The following UHRF1 variants were observed in gnomAD, a reference collection of about 807,000 sequenced individuals.
The protein encoded by UHRF1 is ubiquitin like with PHD and ring finger domains 1.
A neutral mutation model predicts 96.5 loss-of-function variants in UHRF1; 9 were observed. The ratio of observed to expected loss-of-function variants is 0.09; its 90% confidence interval spans 0.06 to 0.16. The LOEUF is 0.16. UHRF1 is among the 10% of genes least tolerant of loss of function. The pLI, the probability that UHRF1 is intolerant of heterozygous loss-of-function variation, is 1.00. For synonymous variants in UHRF1, 455 were observed against 469.9 expected (o/e 0.97, Z 0.41); for missense variants, 626 against 1,131.1 (o/e 0.55, Z 6.40).
chr19:4,910,805 C>G, intron 1 of UHRF1, 71 bp from the exon 2 acceptor site: 1 of 1,476,532 alleles, frequency 6.8e-7, no homozygotes, highest in Admixed American at 2.2e-5. Flanking sequence ...GCAACCCCGA[C>G]TCCTTAGAGC....
intron 5 of UHRF1, among the ~76,000 whole-genome samples, chr19:4,935,092 C>T (rs201860019): frequency 1.3e-5 from 2 of 151,982 alleles, no homozygotes. Flanking sequence ...TCCTGCCTCA[C>T]CCTCCTGAGT....
At position 4,954,508 on chromosome 19, in the gene UHRF1, G is replaced by A; in HGVS notation, c.1957+20G>A. ...CGGCAGGTGAGAATCTCGTGGGTGT[G>A]GGGTGAGCGTCTTGTGTGTGGGGGA... On this transcript the variant is annotated intron_variant, in intron 14 of 16. Coordinates refer to ENST00000650932, the MANE Select transcript of UHRF1 (RefSeq NM_001048201.3). This position sits in a 1 kb window ranked among gnomAD's most constrained non-coding sequence, Gnocchi z 5.9. 1 of 1,600,654 alleles carries A rather than the reference G, an allele frequency of 6.2e-7. No individual in the cohort carries two copies. The highest frequency in any genetic ancestry group is 8.5e-7 in the Non-Finnish European group (1 of 1,171,088).
At chr19:4,932,205 G>A (rs1268774117) in intron 4 of UHRF1, among the ~76,000 whole-genome samples, 3 of 152,234 alleles carry the variant, frequency 2.0e-5, no homozygotes, top group African/African-American at 4.8e-5. Context: ...TTACAGGCAT[G>A]AGCCACCGTG....
chr19:4,936,077 C>G (rs551661617), intron 5 of UHRF1, among the ~76,000 whole-genome samples: 1 of 152,164 alleles, frequency 6.6e-6, no homozygotes, highest in Non-Finnish European at 1.5e-5. Context: ...TTCATTCATG[C>G]TTGTGTCCCG....
upstream of UHRF1, chr19:4,909,195 C>T (rs1466537333): frequency 4.5e-6 from 2 of 444,786 alleles, no homozygotes; most frequent in Non-Finnish European, 8.0e-6. Context: ...CGGACTTGGA[C>T]TTAAGAGTTC....
intron 2 of UHRF1, among the ~76,000 whole-genome samples, chr19:4,922,667 G>A (rs745780566): frequency 6.6e-6 from 1 of 152,202 alleles, no homozygotes; most frequent in Non-Finnish European, 1.5e-5. Flanking sequence ...TCGCGCTTCG[G>A]GTTGTGCAAG....
intron 5 of UHRF1, among the ~76,000 whole-genome samples, chr19:4,941,296 G>A (rs1217729460): frequency 6.6e-6 from 1 of 151,732 alleles, no homozygotes; most frequent in African/African-American, 2.4e-5. Flanking sequence ...TCACCATGTT[G>A]GCCAGGCTGG....
At chr19:4,953,306 A>G (rs1353505598) in intron 13 of UHRF1, among the ~76,000 whole-genome samples, 1 of 152,182 alleles carries the variant, frequency 6.6e-6, no homozygotes, top group Non-Finnish European at 1.5e-5. Context: ...AGAGAGTACC[A>G]AACCGTTGAT....
intron 3 of UHRF1, among the ~76,000 whole-genome samples, chr19:4,929,938 T>G (rs1456118467): frequency 6.6e-6 from 1 of 152,126 alleles, no homozygotes; most frequent in East Asian, 1.9e-4. Context: ...GTAGCTGATG[T>G]TATAGGCATG....
At chr19:4,936,829 A>G (rs2033230388) in intron 5 of UHRF1, among the ~76,000 whole-genome samples, 2 of 152,020 alleles carry the variant, frequency 1.3e-5, no homozygotes, top group African/African-American at 2.4e-5. Flanking sequence ...GTGAAAAGAA[A>G]AAAAAACAGG....
intron 1 of UHRF1, chr19:4,910,179 G>A (rs2146274954): frequency 6.6e-6 from 1 of 152,006 alleles, no homozygotes; most frequent in South Asian, 2.1e-4. Flanking sequence ...GGGCCAGTGG[G>A]AGTGCGGGAG....
chr19:4,915,383 G>C (rs992293411), intron 2 of UHRF1, among the ~76,000 whole-genome samples: 1 of 152,206 alleles, frequency 6.6e-6, no homozygotes, highest in Non-Finnish European at 1.5e-5. Context: ...TCTGTAAACC[G>C]GTGGGCGTGG....
chr19:4,908,269 C>T (rs73919353), upstream of UHRF1, among the ~76,000 whole-genome samples: 7,565 of 152,160 alleles, frequency 0.05, 222 homozygotes, highest in Non-Finnish European at 0.061. Flanking sequence ...TCTTCGGGGG[C>T]CATGATCTGT....
At chr19:4,908,945 G>A (rs1016478918), upstream of UHRF1, among the ~76,000 whole-genome samples, 1 of 152,060 alleles carries the variant, frequency 6.6e-6, no homozygotes, top group African/African-American at 2.4e-5. Flanking sequence ...TGCCCGCCTG[G>A]ACAGCCTGGA....
chr19:4,929,082 G>T, intron 2 of UHRF1, 140 bp from the exon 3 acceptor site: 1 of 1,233,118 alleles, frequency 8.1e-7, no homozygotes, highest in Non-Finnish European at 1.1e-6. Flanking sequence ...CATGGCCCAG[G>T]TATCATGGCT....
rs375976258 is a variant in UHRF1, at chr19:4,960,154, G to C, written c.2236-503G>C. ...AGGCATGAGCCACGATGCTTGGCCT[G>C]ATGTGTGTGTTTATTAAGCATCTAC... On this transcript the variant is annotated intron_variant, in intron 16 of 16. Coordinates refer to ENST00000650932, the MANE Select transcript of UHRF1 (RefSeq NM_001048201.3). Among the ~76,000 whole-genome samples the C allele has an allele frequency of 1.1e-3, 160 of 152,322 alleles. 3 individuals are homozygous for C. The South Asian group carries it at 0.03, about 29-fold the overall frequency.
At chr19:4,924,160 A>G (rs143974029) in intron 2 of UHRF1, among the ~76,000 whole-genome samples, 1 of 151,154 alleles carries the variant, frequency 6.6e-6, no homozygotes, top group Non-Finnish European at 1.5e-5. Flanking sequence ...TAATTTTTTT[A>G]TTTTTTTGAG....
chr19:4,930,787 G>C lies in UHRF1; in HGVS notation c.480G>C (p.Thr160=). Residue 160 remains threonine, a synonymous_variant, in exon 4 of 17, where the codon ACG becomes ACC. Transcript: ENST00000650932. The surrounding 1 kb of genome is among the most constrained non-coding windows in gnomAD (Gnocchi z 4.4). ...TTGAGGCGCAGGTGGTCAGGGTGAC[G>C]CGGAAGGCCCCCTCCCGGGACGAGC... ...AWFEAQVVRV[T]RKAPSRDEPC... 2 of 1,613,978 alleles carry C rather than the reference G, an allele frequency of 1.2e-6. No individual in the cohort carries two copies. Among genetic ancestry groups the C allele is most frequent in the Non-Finnish European group, 1.7e-6 (2 of 1,179,888 alleles).
chr19:4,918,944 ACTC>A (rs1003615988), intron 2 of UHRF1, among the ~76,000 whole-genome samples: 2 of 148,828 alleles, frequency 1.3e-5, no homozygotes, highest in African/African-American at 2.5e-5. Flanking sequence ...CTGGTCTTGA[ACTC>A]CTAGCCTCAA....
Sources: allele counts gnomAD v4.1 joint callset (sites outside exome capture counted in the v4.1 genomes callset), GRCh38; gene constraint gnomAD v4.1.1; non-coding constraint Gnocchi (gnomAD v3.1); transcripts MANE v1.5; gene names NCBI Gene and HGNC (gene_info 2026-07-23, HGNC 2026-07-21).